The following DCP1B variants were observed in gnomAD, a reference collection of about 807,000 sequenced individuals.
DCP1B encodes decapping mRNA 1B, also known as mRNA-decapping enzyme 1B.
DCP1B carries 47 observed loss-of-function variants against 60.5 expected under a neutral mutation model. That is an observed-to-expected ratio of 0.78 (90% CI 0.61 to 0.99). The LOEUF (loss-of-function observed/expected upper bound fraction) is 0.99, where lower values mean the gene tolerates loss of function less well. DCP1B is among the 50% of genes least tolerant of loss of function. The pLI, the probability that DCP1B is intolerant of heterozygous loss-of-function variation, is 0.00. For missense variants in DCP1B, 725 were observed against 756.8 expected, an observed-to-expected ratio of 0.96 and a Z score of 0.49; for synonymous variants, 267 against 280.3, an observed-to-expected ratio of 0.95 and a Z score of 0.47.
At chr12:1,947,040 T>C (rs575687039) in intron 8 of DCP1B, among the ~76,000 whole-genome samples, 1 of 152,316 alleles carries the variant, frequency 6.6e-6, no homozygotes, top group East Asian at 1.9e-4. Flanking sequence ...GTTTTGGGCA[T>C]TACTTAGGAT....
At chr12:1,979,573 T>C (rs1417111303) in intron 3 of DCP1B, among the ~76,000 whole-genome samples, 6 of 152,100 alleles carry the variant, frequency 3.9e-5, no homozygotes, top group South Asian at 2.1e-4. Context: ...CAGCCTCCCA[T>C]AGTGTTGGGA....
At chr12:1,965,474 C>G in intron 5 of DCP1B, 84 bp downstream of exon 5, 1 of 1,387,082 alleles carries the variant, frequency 7.2e-7, no homozygotes, top group Non-Finnish European at 9.4e-7. Flanking sequence ...GAACAGCATC[C>G]ACAGTACCTA....
At chr12:1,997,855 G>A in intron 2 of DCP1B, 80 bp downstream of exon 2, 2 of 1,119,356 alleles carry the variant, frequency 1.8e-6, no homozygotes, top group Non-Finnish European at 2.6e-6. Context: ...AAAACTGCAT[G>A]CACTTGAAGA....
chr12:1,969,571 C>T (rs1317840927), intron 3 of DCP1B, among the ~76,000 whole-genome samples: 4 of 127,916 alleles, frequency 3.1e-5, no homozygotes, highest in African/African-American at 6.0e-5. Context: ...TTTTTAAGAA[C>T]GTCTGAGTTC....
chr12:1,946,251 G>A lies in DCP1B; in HGVS notation c.1809C>T (p.Ala603=), dbSNP rs199713357. 8.7e-6 allele frequency: 14 copies of A among 1,607,860 alleles called. No individual in the cohort carries two copies. Among genetic ancestry groups the A allele is most frequent in the Non-Finnish European group, 1.2e-5 (14 of 1,177,682 alleles). ...DDNFLNIIYE[A]YLFSMTQAAM... ...CTGCTTGAGTCATGCTGAAGAGATA[G>A]GCTTCATAGATTATATTTAAGAAGT... is the stretch of plus-strand genomic sequence containing the variant. The change falls in exon 9 of 9, where the codon GCC becomes GCT. Residue 603 remains alanine, a synonymous_variant. Transcript: ENST00000280665.
intron 5 of DCP1B, among the ~76,000 whole-genome samples, chr12:1,961,673 C>CT: frequency 6.6e-6 from 1 of 152,106 alleles, no homozygotes; most frequent in African/African-American, 2.4e-5. Context: ...TAGTAATAGA[C>CT]TGAGTTCACA....
In DCP1B at chr12:1,948,069, G is replaced by A. The variant is rs1013314954; in HGVS notation, c.1773+1017C>T. Among the ~76,000 whole-genome samples, 1 of 152,240 alleles carries A rather than the reference G, an allele frequency of 6.6e-6. No homozygotes were observed. The highest frequency in any genetic ancestry group is 1.5e-5 in the Non-Finnish European group (1 of 68,042). On this transcript the variant is annotated intron_variant, in intron 8 of 8. Coordinates refer to ENST00000280665, the MANE Select transcript of DCP1B (RefSeq NM_152640.5). This position sits in a 1 kb window ranked among gnomAD's most constrained non-coding sequence, Gnocchi z 4.8. ...CTGGCCTGCTCTCTAAAGGCCGTCT[G>A]ATGCTTAAGCAAAGTACCACACAAG...
intron 2 of DCP1B, among the ~76,000 whole-genome samples, chr12:1,995,055 T>TA (rs1158497507): frequency 1.3e-5 from 2 of 152,138 alleles, no homozygotes; most frequent in African/African-American, 2.4e-5. Context: ...GAGAAAAGAC[T>TA]AAAAAACAGC....
intron 3 of DCP1B, among the ~76,000 whole-genome samples, chr12:1,974,480 G>A (rs537499720): frequency 3.3e-4 from 50 of 152,238 alleles, no homozygotes; most frequent in African/African-American, 1.1e-3. Context: ...TAATGTACTC[G>A]TTTAATGTGT....
intron 3 of DCP1B, among the ~76,000 whole-genome samples, chr12:1,990,861 C>CT (rs1481180845): frequency 6.6e-6 from 1 of 152,056 alleles, no homozygotes; most frequent in Non-Finnish European, 1.5e-5. Context: ...ATCTGACACT[C>CT]TGACAGCACC....
At chr12:1,969,188 T>C (rs2031626904) in intron 3 of DCP1B, among the ~76,000 whole-genome samples, 1 of 152,214 alleles carries the variant, frequency 6.6e-6, no homozygotes, top group African/African-American at 2.4e-5. Context: ...ACAGCTATGA[T>C]ATTCTAACTA....
chr12:1,966,538 G>A (rs1453533735), intron 4 of DCP1B, among the ~76,000 whole-genome samples: 1 of 152,144 alleles, frequency 6.6e-6, no homozygotes, highest in African/African-American at 2.4e-5. Context: ...CTGGGGAGGG[G>A]GTCGGAATCC....
chr12:1,991,630 G>A (rs2039448501), intron 3 of DCP1B: 1 of 187,264 alleles, frequency 5.3e-6, no homozygotes, highest in African/African-American at 2.4e-5. Flanking sequence ...CACACTTCAG[G>A]TACTAAACGG....
At chr12:1,973,103 G>A (rs1462290982) in intron 3 of DCP1B, among the ~76,000 whole-genome samples, 3 of 152,174 alleles carry the variant, frequency 2.0e-5, no homozygotes, top group East Asian at 3.8e-4. Context: ...CACCTTCTGC[G>A]TTAGCTTTAC....
In DCP1B at chr12:1,971,268, T is replaced by C. The variant is rs1302052667; in HGVS notation, c.320-3358A>G. Reference sequence around the variant, plus strand: ...TTGAAATTTACTCTAAATATCCTAATGATACCTAGAATGTGACTTCCTCAC... The same window carrying C: ...TTGAAATTTACTCTAAATATCCTAACGATACCTAGAATGTGACTTCCTCAC... On this transcript the variant is annotated intron_variant, in intron 3 of 8. Coordinates refer to ENST00000280665, the MANE Select transcript of DCP1B (RefSeq NM_152640.5). The surrounding 1 kb of genome is among the most constrained non-coding windows in gnomAD (Gnocchi z 4.2). 1.2e-6 allele frequency: 1 copy of C among 831,214 alleles called. No homozygotes were observed. Among genetic ancestry groups the C allele is most frequent in the African/African-American group, 1.8e-5 (1 of 56,760 alleles). The allele number at this position is 831,214 out of a possible 1,614,324, so 51.5% of individuals were successfully genotyped here.
At chr12:1,992,888 C>T (rs2039797665) in intron 3 of DCP1B, 2 of 484,608 alleles carry the variant, frequency 4.1e-6, no homozygotes, top group Admixed American at 3.7e-5. Context: ...AGAAAAAGTG[C>T]CATAGCAGAC....
chr12:1,959,706 T>C (rs1331753743), intron 5 of DCP1B, among the ~76,000 whole-genome samples: 1 of 152,204 alleles, frequency 6.6e-6, no homozygotes, highest in East Asian at 1.9e-4. Flanking sequence ...ACGCCTGTAA[T>C]CCCAGCACTT....
At chr12:1,945,816 A>G (rs2030397793), downstream of DCP1B, among the ~76,000 whole-genome samples, 1 of 152,206 alleles carries the variant, frequency 6.6e-6, no homozygotes, top group Admixed American at 6.5e-5. Flanking sequence ...TCTCACTCAC[A>G]GGTGGGAATT....
At chr12:1,960,536 A>AT (rs2049209401) in intron 5 of DCP1B, among the ~76,000 whole-genome samples, 2 of 152,218 alleles carry the variant, frequency 1.3e-5, no homozygotes, top group Admixed American at 1.3e-4. Context: ...GATTTTAATT[A>AT]TTTTTGCCAC....
Sources: allele counts gnomAD v4.1 joint callset (sites outside exome capture counted in the v4.1 genomes callset), GRCh38; gene constraint gnomAD v4.1.1; non-coding constraint Gnocchi (gnomAD v3.1); transcripts MANE v1.5; gene names NCBI Gene and HGNC (gene_info 2026-07-23, HGNC 2026-07-21).